The following NALCN variants were observed in gnomAD, a reference collection of about 807,000 sequenced individuals.
NALCN encodes sodium leak channel, non-selective, also known as sodium leak channel NALCN.
A neutral mutation model predicts 225.3 loss-of-function variants in NALCN; 111 were observed. That is an observed-to-expected ratio of 0.49 (90% CI 0.42 to 0.58). The LOEUF is 0.58. Among genes scored for constraint, NALCN ranks in the 20% least tolerant of loss-of-function variants. The pLI is 0.00. For synonymous variants in NALCN, 764 were observed against 769.0 expected (o/e 0.99, Z 0.11); for missense variants, 1,378 against 2,202.4 (o/e 0.63, Z 7.49).
chr13:101,366,499 T>C (rs34870031), intron 6 of NALCN, among the ~76,000 whole-genome samples: 7,804 of 152,220 alleles, frequency 0.051, 240 homozygotes, highest in Admixed American at 0.083. Context: ...TTGTTAACAA[T>C]TTCTCTTAAT....
chr13:101,246,150 G>C (rs1236473742), intron 11 of NALCN, among the ~76,000 whole-genome samples: 1 of 152,086 alleles, frequency 6.6e-6, no homozygotes, highest in Non-Finnish European at 1.5e-5. Flanking sequence ...AAAACGTCAA[G>C]AACCTGGACA....
chr13:101,415,126 A>G (rs2047898092), intron 1 of NALCN, among the ~76,000 whole-genome samples: 2 of 150,456 alleles, frequency 1.3e-5, no homozygotes, highest in Non-Finnish European at 3.0e-5. Context: ...CATCTGCCTC[A>G]GGGGTAACTA....
intron 18 of NALCN, among the ~76,000 whole-genome samples, chr13:101,113,239 G>A (rs2035538803): frequency 6.6e-6 from 1 of 152,158 alleles, no homozygotes; most frequent in Non-Finnish European, 1.5e-5. Context: ...GGTGAATGAG[G>A]GAAGGACCGC....
At chr13:101,155,284 T>C (rs2037848514) in intron 15 of NALCN, among the ~76,000 whole-genome samples, 3 of 152,232 alleles carry the variant, frequency 2.0e-5, no homozygotes, top group Non-Finnish European at 4.4e-5. Context: ...TCCCAGGTTT[T>C]TGCACGAATG....
chr13:101,413,649 T>C (rs1185128985), intron 1 of NALCN, among the ~76,000 whole-genome samples: 1 of 152,146 alleles, frequency 6.6e-6, no homozygotes, highest in East Asian at 1.9e-4. Flanking sequence ...CACACAGATA[T>C]TGTGGTCATC....
At chr13:101,187,818 C>T (rs1449523737) in intron 14 of NALCN, among the ~76,000 whole-genome samples, 6 of 152,142 alleles carry the variant, frequency 3.9e-5, no homozygotes, top group Non-Finnish European at 7.3e-5. Flanking sequence ...AGCAGGAGTC[C>T]ACAGTGTTTT....
chr13:101,345,672 C>CTCTTTCTA (rs1555339215), intron 6 of NALCN, among the ~76,000 whole-genome samples: 2 of 133,762 alleles, frequency 1.5e-5, no homozygotes, highest in Non-Finnish European at 3.1e-5. Context: ...GAGACCTTTG[C>CTCTTTCTA]TCTTTCTATC....
At chr13:101,141,372 A>G (rs571840153) in intron 17 of NALCN, among the ~76,000 whole-genome samples, 2 of 152,260 alleles carry the variant, frequency 1.3e-5, no homozygotes, top group African/African-American at 4.8e-5. Context: ...AAGGCTAATT[A>G]CTTAAAAAAA....
intron 6 of NALCN, among the ~76,000 whole-genome samples, chr13:101,345,780 GGAGA>G (rs1222022450): frequency 7.2e-5 from 7 of 96,870 alleles, no homozygotes; most frequent in African/African-American, 2.9e-4. Context: ...ATTTAGAGAG[GGAGA>G]GAGAGAGAAA....
chr13:101,100,811 C>T lies in NALCN; in HGVS notation c.3135G>A (p.Lys1045=), dbSNP rs1293727899. Residue 1045 remains lysine (K), a synonymous_variant, in exon 27 of 44, where the codon AAG becomes AAA. Coordinates refer to ENST00000251127, the MANE Select transcript of NALCN (RefSeq NM_052867.4). The part of the protein sequence containing the change: ...GVQLFAGKLA[K]CNDPNIIRRE... ...TTCTAATAATGTTGGGATCATTGCA[C>T]TTGGCCAGTTTTCCAGCAAAAAGCT... 1.2e-6 allele frequency: 2 copies of T among 1,610,728 alleles called. No individual in the cohort carries two copies. The highest frequency in any genetic ancestry group is 2.2e-5 in the South Asian group (2 of 90,492).
chr13:101,082,775 G>C (rs755035224), intron 33 of NALCN, 34 bp downstream of exon 33: 14 of 1,608,460 alleles, frequency 8.7e-6, no homozygotes, highest in Non-Finnish European at 1.2e-5. Context: ...ACTGTGCACA[G>C]ATTCCCCCAG....
intron 7 of NALCN, among the ~76,000 whole-genome samples, chr13:101,333,984 TGA>T (rs2045275345): frequency 1.7e-5 from 2 of 120,650 alleles, no homozygotes; most frequent in Non-Finnish European, 3.3e-5. Context: ...TTCTGCAGAA[TGA>T]TGATTTTCAA....
chr13:101,336,369 T>TA (rs2045378538), intron 7 of NALCN, among the ~76,000 whole-genome samples: 1 of 152,180 alleles, frequency 6.6e-6, no homozygotes, highest in Admixed American at 6.5e-5. Flanking sequence ...TTTCTTCTTG[T>TA]AAAAAATACC....
chr13:101,277,568 C>A (rs559857770), intron 10 of NALCN, among the ~76,000 whole-genome samples: 1 of 152,058 alleles, frequency 6.6e-6, no homozygotes, highest in Non-Finnish European at 1.5e-5. Flanking sequence ...TTTAACACAT[C>A]GGAATAACTT....
At chr13:101,074,306 G>T (rs1384458641) in intron 36 of NALCN, among the ~76,000 whole-genome samples, 1 of 151,960 alleles carries the variant, frequency 6.6e-6, no homozygotes, top group Non-Finnish European at 1.5e-5. Context: ...ATTTTTCTAA[G>T]GTTTTGAAAG....
rs149277474 is a variant in NALCN, at chr13:101,243,568, T to A, written c.1267-5646A>T. On this transcript the variant is annotated intron_variant, in intron 11 of 43. Transcript: ENST00000251127. ...ATACATGTTTTTGATGTAATTGTCG[T>A]TTGTCTTTTATGCTATCTTAAGCAG... is the stretch of plus-strand genomic sequence containing the variant. 6.5e-3 allele frequency among the ~76,000 whole-genome samples: 685 copies of A among 105,154 alleles called. 235 individuals carry two copies. The highest frequency in any genetic ancestry group is 0.047 in the Middle Eastern group (11 of 236). 69.0% of individuals were successfully genotyped at this position (105,154 alleles called of 152,430 possible).
intron 7 of NALCN, among the ~76,000 whole-genome samples, chr13:101,301,449 G>T (rs1395201470): frequency 1.3e-5 from 2 of 152,180 alleles, no homozygotes; most frequent in African/African-American, 4.8e-5. Context: ...AAGGCCGGGC[G>T]CAGTGGCTCA....
chr13:101,270,739 G>A (rs2140250793), intron 10 of NALCN, among the ~76,000 whole-genome samples: 1 of 152,278 alleles, frequency 6.6e-6, no homozygotes, highest in Non-Finnish European at 1.5e-5. Flanking sequence ...TCATATTGCT[G>A]CTCCAAACCC....
At chr13:101,347,805 A>C (rs966616266) in intron 6 of NALCN, among the ~76,000 whole-genome samples, 37 of 152,312 alleles carry the variant, frequency 2.4e-4, no homozygotes, top group Middle Eastern at 3.4e-3. Flanking sequence ...AGTAAAGTAA[A>C]CCAAGTAATG....
Sources: allele counts gnomAD v4.1 joint callset (sites outside exome capture counted in the v4.1 genomes callset), GRCh38; gene constraint gnomAD v4.1.1; transcripts MANE v1.5; gene names NCBI Gene and HGNC (gene_info 2026-07-23, HGNC 2026-07-21).